The following PCNX1 variants were observed in gnomAD, a reference collection of about 807,000 sequenced individuals.
PCNX1 encodes the protein pecanex-like protein 1.
PCNX1 carries 78 observed loss-of-function variants against 242.2 expected under a neutral mutation model. The ratio of observed to expected loss-of-function variants is 0.32; its 90% confidence interval spans 0.27 to 0.39. PCNX1 has a LOEUF of 0.39. Ranked by LOEUF, PCNX1 falls within the 10% of genes least tolerant of loss-of-function variation. The pLI is 1.00. For synonymous variants in PCNX1, 1,024 were observed against 1,032.9 expected (o/e 0.99, Z 0.17); for missense variants, 2,581 against 2,856.5 (o/e 0.90, Z 2.20).
Position 70,907,963 on chromosome 14 carries a change from T to C in PCNX1, c.113T>C (p.Leu38Pro). ...ATFVNALHLY[L>P]WLFLLGLPFT... ...TTCGTGAACGCGCTGCACCTCTACC[T>C]GTGGCTCTTTCTGCTGGGCCTGCCC... is the stretch of plus-strand genomic sequence containing the variant. The change falls in exon 1 of 36, where the codon CTG becomes CCG. Residue 38 changes from leucine (L) to proline (P), a missense_variant. Leu to Pro is a moderately conservative substitution (Grantham distance 98). Transcript: ENST00000304743. 1 of 1,597,722 alleles carries C rather than the reference T, an allele frequency of 6.3e-7. No individual in the cohort carries two copies. The highest frequency in any genetic ancestry group is 8.5e-7 in the Non-Finnish European group (1 of 1,173,358).
chr14:70,982,032 G>A (rs1406658485), intron 6 of PCNX1, among the ~76,000 whole-genome samples: 1 of 151,786 alleles, frequency 6.6e-6, no homozygotes, highest in African/African-American at 2.4e-5. Flanking sequence ...TATTGTGTTG[G>A]GAACCAAAAA....
intron 33 of PCNX1, among the ~76,000 whole-genome samples, chr14:71,108,248 T>C (rs2062677346): frequency 6.6e-6 from 1 of 152,262 alleles, no homozygotes; most frequent in Non-Finnish European, 1.5e-5. Context: ...TGATATATTA[T>C]GGAAGTATTC....
chr14:71,036,616 A>G (rs796476116), intron 19 of PCNX1, among the ~76,000 whole-genome samples: 2 of 152,310 alleles, frequency 1.3e-5, no homozygotes, highest in African/African-American at 4.8e-5. Flanking sequence ...AGGCTATACT[A>G]TCTTGTCTAT....
chr14:71,003,075 GTCT>G (rs2059550633), intron 8 of PCNX1, among the ~76,000 whole-genome samples: 3 of 95,586 alleles, frequency 3.1e-5, no homozygotes, highest in Non-Finnish European at 5.8e-5. Flanking sequence ...GTTGTTGGTT[GTCT>G]TCTTTTTTTT....
At position 71,105,275 on chromosome 14, in the gene PCNX1, A is replaced by C. The variant is rs372823616; in HGVS notation, c.6136A>C (p.Asn2046His). Residue 2046 changes from asparagine to histidine, a missense_variant, in exon 33 of 36, where the codon AAT (asparagine) becomes CAT (histidine). Around this residue, in one of 9 missense-constraint regions of PCNX1, gnomAD observed 432 missense variants for 433.6 expected, o/e 1.00. Transcript: ENST00000304743. ...CGGAGCTGGATGTAACAGTGGTGGCAATATTGAAGATTCTGATACTGGAGG... is the reference window on the plus strand; with the variant it reads ...CGGAGCTGGATGTAACAGTGGTGGCCATATTGAAGATTCTGATACTGGAGG... The part of the protein sequence containing the change: ...GCGAGCNSGG[N>H]IEDSDTGGGT... 5 of 1,613,930 alleles carry C rather than the reference A, an allele frequency of 3.1e-6. No homozygotes were observed. The highest frequency in any genetic ancestry group is 4.2e-6 in the Non-Finnish European group (5 of 1,179,962).
At chr14:70,978,972 A>G (rs1246679728) in intron 6 of PCNX1, among the ~76,000 whole-genome samples, 1 of 152,196 alleles carries the variant, frequency 6.6e-6, no homozygotes, top group Non-Finnish European at 1.5e-5. Context: ...GTATAGCAAT[A>G]GCAACAATAA....
chr14:70,971,983 C>T (rs536410515), intron 5 of PCNX1, among the ~76,000 whole-genome samples: 3 of 152,100 alleles, frequency 2.0e-5, no homozygotes, highest in Non-Finnish European at 4.4e-5. Context: ...GGAATCACTC[C>T]GGCTCCTATT....
chr14:71,011,470 C>G, intron 9 of PCNX1, 22 bp from the exon 10 acceptor site: 1 of 1,372,348 alleles, frequency 7.3e-7, no homozygotes. Flanking sequence ...CAAACTGTTC[C>G]CTATTTTTTA....
Position 71,105,348 on chromosome 14 carries a change from A to G in PCNX1, c.6209A>G (p.His2070Arg), listed in dbSNP as rs771988323. The change falls in exon 33 of 36, where the codon CAC becomes CGC. Residue 2070 changes from histidine to arginine, a missense_variant. Coordinates refer to ENST00000304743, the MANE Select transcript of PCNX1 (RefSeq NM_014982.3). ...GNNATTANNP[H>R]SNVTQGSIGN... ...AATGCAACAACTGCCAACAATCCCC[A>G]CAGCAACGTGACCCAGGGAAGCATT... 1.9e-6 allele frequency: 3 copies of G among 1,614,070 alleles called. No homozygotes were observed. In the East Asian group the frequency reaches 6.7e-5, roughly 36 times the overall value.
chr14:71,105,500 T>C (rs1423353059), intron 33 of PCNX1, 60 bp downstream of exon 33: 2 of 1,299,212 alleles, frequency 1.5e-6, no homozygotes, highest in East Asian at 2.3e-5. Flanking sequence ...GGCTGGTTAG[T>C]ATATGTGTAT....
At chr14:71,028,393 T>A (rs1403522350) in intron 15 of PCNX1, among the ~76,000 whole-genome samples, 4 of 152,016 alleles carry the variant, frequency 2.6e-5, no homozygotes, top group South Asian at 4.1e-4. Flanking sequence ...TTTTCCACAT[T>A]TTTTGTTAAT....
intron 6 of PCNX1, among the ~76,000 whole-genome samples, chr14:70,981,517 G>A (rs2058839864): frequency 6.6e-6 from 1 of 152,110 alleles, no homozygotes; most frequent in African/African-American, 2.4e-5. Flanking sequence ...CGTAACAAGT[G>A]ATTGTTTTCA....
chr14:71,036,722 G>T (rs1000339328), intron 19 of PCNX1, among the ~76,000 whole-genome samples: 7 of 152,076 alleles, frequency 4.6e-5, no homozygotes, highest in Non-Finnish European at 8.8e-5. Context: ...CTATAACTTT[G>T]TTTGGACTTA....
At chr14:70,951,208 A>G (rs1406140865) in intron 2 of PCNX1, among the ~76,000 whole-genome samples, 7 of 152,004 alleles carry the variant, frequency 4.6e-5, no homozygotes, top group African/African-American at 1.7e-4. Flanking sequence ...TACTGTATAT[A>G]CTTATGCTAG....
intron 19 of PCNX1, among the ~76,000 whole-genome samples, chr14:71,037,799 C>A (rs2060585391): frequency 6.6e-6 from 1 of 150,502 alleles, no homozygotes; most frequent in South Asian, 2.1e-4. Flanking sequence ...AAGCTGGAGG[C>A]ATCACACTAC....
chr14:70,939,688 G>A (rs2057154936), intron 1 of PCNX1, among the ~76,000 whole-genome samples: 1 of 152,206 alleles, frequency 6.6e-6, no homozygotes, highest in Non-Finnish European at 1.5e-5. Flanking sequence ...GGATATCCTT[G>A]ATCACTTTCT....
chr14:70,914,610 A>G (rs1198280801), intron 1 of PCNX1, among the ~76,000 whole-genome samples: 2 of 152,232 alleles, frequency 1.3e-5, no homozygotes, highest in Non-Finnish European at 2.9e-5. Flanking sequence ...AAATCTTTCA[A>G]CATTTTATTA....
At chr14:71,036,256 C>G (rs925934428) in intron 19 of PCNX1, 99 bp downstream of exon 19, 2 of 760,854 alleles carry the variant, frequency 2.6e-6, no homozygotes, top group East Asian at 5.2e-5. Flanking sequence ...ACAGTTCATT[C>G]TAACCTTGAA....
At chr14:71,037,107 A>G (rs984197211) in intron 19 of PCNX1, among the ~76,000 whole-genome samples, 1 of 152,080 alleles carries the variant, frequency 6.6e-6, no homozygotes, top group Non-Finnish European at 1.5e-5. Flanking sequence ...GCTGGTGTAT[A>G]GGAATGCTTG....
Sources: allele counts gnomAD v4.1 joint callset (sites outside exome capture counted in the v4.1 genomes callset), GRCh38; gene constraint gnomAD v4.1.1; regional missense constraint gnomAD v4.1.1; transcripts MANE v1.5; gene names NCBI Gene and HGNC (gene_info 2026-07-23, HGNC 2026-07-21).